The following RIPK2 variants were observed in gnomAD, a reference collection of about 807,000 sequenced individuals.
The protein encoded by RIPK2 is receptor interacting serine/threonine kinase 2, also known as receptor-interacting serine/threonine-protein kinase 2.
Under a neutral mutation model 60.9 loss-of-function variants are expected in RIPK2, and 38 were observed. The observed-to-expected ratio is 0.62, with a 90% CI of 0.48 to 0.82. RIPK2 has a LOEUF of 0.82. Among genes scored for constraint, RIPK2 ranks in the 40% least tolerant of loss-of-function variants. RIPK2 has a pLI of 0.00. For missense variants in RIPK2, 518 were observed against 647.0 expected (o/e 0.80, Z 2.16); for synonymous variants, 225 against 223.4 (o/e 1.01, Z -0.06).
chr8:89,764,924 T>A (rs748276687), intron 2 of RIPK2, among the ~76,000 whole-genome samples: 2 of 152,086 alleles, frequency 1.3e-5, no homozygotes, highest in Non-Finnish European at 2.9e-5. Context: ...TGGTATTTAC[T>A]AGAAAAAAAC....
At chr8:89,785,824 G>T (rs1809579057) in intron 8 of RIPK2, among the ~76,000 whole-genome samples, 1 of 152,176 alleles carries the variant, frequency 6.6e-6, no homozygotes, top group Non-Finnish European at 1.5e-5. Flanking sequence ...AGCCAGAGAG[G>T]TTAAATACCT....
chr8:89,784,585 A>G (rs1441075050), intron 8 of RIPK2, among the ~76,000 whole-genome samples: 1 of 152,232 alleles, frequency 6.6e-6, no homozygotes, highest in Non-Finnish European at 1.5e-5. Flanking sequence ...AATTTCTTTT[A>G]AGAATGTATA....
Position 89,771,748 on chromosome 8 carries a change from G to T in RIPK2, c.649G>T (p.Val217Phe), listed in dbSNP as rs778062446. The stretch of plus-strand genomic sequence containing the variant: ...TGTTCTTATGTTAAACAGCTATGCA[G>T]TTATCACATGGGAAGTGTTATCCAG... ...SIKHDIYSYA[V>F]ITWEVLSRKQ... The change falls in exon 5 of 11, where the codon GTT becomes TTT. Residue 217 changes from valine (V) to phenylalanine (F), a missense_variant. Coordinates refer to ENST00000220751, the MANE Select transcript of RIPK2 (RefSeq NM_003821.6). The T allele has an allele frequency of 2.2e-5, 35 of 1,603,708 alleles. No homozygotes were observed. Among genetic ancestry groups the T allele is most frequent in the Middle Eastern group, 3.3e-4 (2 of 6,038 alleles).
intron 7 of RIPK2, 72 bp downstream of exon 7, chr8:89,780,232 TAA>T (rs1809476068): frequency 1.3e-6 from 1 of 788,682 alleles, no homozygotes; most frequent in Admixed American, 3.0e-5. Flanking sequence ...GATTTTTAGT[TAA>T]GTGTAGTTTT....
chr8:89,768,534 G>C (rs1010729656), intron 3 of RIPK2, among the ~76,000 whole-genome samples: 1 of 151,530 alleles, frequency 6.6e-6, no homozygotes, highest in Non-Finnish European at 1.5e-5. Context: ...AGTTTGTCTG[G>C]AATACTCCTA....
chr8:89,769,045 A>T (rs780025262), intron 3 of RIPK2, among the ~76,000 whole-genome samples: 9 of 151,828 alleles, frequency 5.9e-5, no homozygotes, highest in Non-Finnish European at 1.3e-4. Context: ...AGTAAAAAAT[A>T]AGGAAGCTTT....
chr8:89,789,987 G>GTTTTA (rs1809649742), intron 10 of RIPK2, 92 bp from the exon 11 acceptor site: 2 of 919,010 alleles, frequency 2.2e-6, no homozygotes, highest in African/African-American at 3.3e-5. Flanking sequence ...GGAAAATTAT[G>GTTTTA]TTTTATGCTT....
intron 1 of RIPK2, among the ~76,000 whole-genome samples, chr8:89,761,420 T>C (rs1424970984): frequency 2.0e-5 from 3 of 152,114 alleles, no homozygotes; most frequent in South Asian, 2.1e-4. Context: ...AACGCGGGCA[T>C]TCTATTCACT....
intron 6 of RIPK2, 81 bp from the exon 7 acceptor site, chr8:89,779,994 C>A: frequency 1.5e-6 from 1 of 685,998 alleles, no homozygotes; most frequent in Non-Finnish European, 2.5e-6. Flanking sequence ...TGACTTGAGG[C>A]CTTGTACATT....
At chr8:89,784,780 A>G (rs947715138) in intron 8 of RIPK2, among the ~76,000 whole-genome samples, 2 of 152,190 alleles carry the variant, frequency 1.3e-5, no homozygotes, top group African/African-American at 4.8e-5. Context: ...TAATTTATAA[A>G]GAAAAGAGGT....
chr8:89,761,526 T>C (rs528528292), intron 1 of RIPK2, among the ~76,000 whole-genome samples: 1 of 152,284 alleles, frequency 6.6e-6, no homozygotes, highest in South Asian at 2.1e-4. Flanking sequence ...TTTCAAACTC[T>C]ACCACTTTCT....
intron 6 of RIPK2, among the ~76,000 whole-genome samples, chr8:89,774,101 A>G (rs1809358749): frequency 6.6e-6 from 1 of 152,030 alleles, no homozygotes; most frequent in Admixed American, 6.6e-5. Flanking sequence ...ATTTCCAAGA[A>G]GGAAAAAAAA....
At chr8:89,783,333 T>C (rs1481360088) in intron 7 of RIPK2, among the ~76,000 whole-genome samples, 1 of 152,230 alleles carries the variant, frequency 6.6e-6, no homozygotes, top group African/African-American at 2.4e-5. Context: ...AGTATTTAAG[T>C]AAATCATCTA....
At chr8:89,762,021 C>A (rs544594633) in intron 1 of RIPK2, among the ~76,000 whole-genome samples, 1 of 145,022 alleles carries the variant, frequency 6.9e-6, no homozygotes, top group Non-Finnish European at 1.5e-5. Flanking sequence ...ATAGTGAGAC[C>A]TTGTCTCTAC....
intron 8 of RIPK2, among the ~76,000 whole-genome samples, 173 bp downstream of exon 8, chr8:89,784,312 T>C (rs115550534): frequency 0.011 from 1,747 of 152,326 alleles, 40 homozygotes; most frequent in African/African-American, 0.04. Context: ...CCAGCTGTAC[T>C]GATTCTCAGT....
Position 89,772,710 on chromosome 8 carries a change from A to T in RIPK2, c.735A>T (p.Gly245=). The change falls in exon 6 of 11, where the codon GGA becomes GGT. Residue 245 remains glycine (G), a synonymous_variant. Transcript: ENST00000220751. ...AGATAATGTATAGTGTGTCACAAGG[A>T]CATCGACCTGTTATTAATGAAGAAA... ...PLQIMYSVSQ[G]HRPVINEESL... is the part of the protein sequence containing the mutation. 1 of 1,611,712 alleles carries T rather than the reference A, an allele frequency of 6.2e-7. No individual in the cohort carries two copies. The highest frequency in any genetic ancestry group is 8.5e-7 in the Non-Finnish European group (1 of 1,178,332).
intron 6 of RIPK2, among the ~76,000 whole-genome samples, chr8:89,778,815 G>T (rs1809444955): frequency 6.6e-6 from 1 of 151,996 alleles, no homozygotes; most frequent in Admixed American, 6.6e-5. Flanking sequence ...CATTTCTCTT[G>T]GTTAATTATC....
At chr8:89,777,568 T>C (rs989739982) in intron 6 of RIPK2, among the ~76,000 whole-genome samples, 3 of 124,794 alleles carry the variant, frequency 2.4e-5, no homozygotes, top group African/African-American at 1.1e-4. Context: ...TTGTATCTAA[T>C]AGTACAGTGT....
intron 6 of RIPK2, 42 bp downstream of exon 6, chr8:89,772,870 T>C: frequency 1.5e-6 from 2 of 1,338,330 alleles, no homozygotes; most frequent in Non-Finnish European, 2.0e-6. Flanking sequence ...AATTACAGAA[T>C]TAGTTAATAT....
Sources: allele counts gnomAD v4.1 joint callset (sites outside exome capture counted in the v4.1 genomes callset), GRCh38; gene constraint gnomAD v4.1.1; transcripts MANE v1.5; gene names NCBI Gene and HGNC (gene_info 2026-07-23, HGNC 2026-07-21).